YIPF5: variants seen among roughly 807,000 people sequenced by gnomAD.
YIPF5 encodes the protein protein YIPF5.
In YIPF5, 8 loss-of-function variants were observed where a neutral mutation model predicts 30.4. The observed-to-expected ratio is 0.26, with a 90% CI of 0.15 to 0.47. YIPF5 has a LOEUF of 0.47. Among genes scored for constraint, YIPF5 ranks in the 20% least tolerant of loss-of-function variants. The pLI is 0.99. For missense variants in YIPF5, 282 were observed against 301.8 expected (o/e 0.93, Z 0.49); for synonymous variants, 104 against 107.9 (o/e 0.96, Z 0.23).
At chr5:144,160,702 T>G (rs778546566) in intron 5 of YIPF5, 143 bp from the exon 6 acceptor site, 8 of 625,870 alleles carry the variant, frequency 1.3e-5, no homozygotes, top group East Asian at 3.4e-5. Flanking sequence ...ATAATCAGGA[T>G]TTTTTTTTTC....
chr5:144,166,090 G>C (rs1483989170), intron 2 of YIPF5, among the ~76,000 whole-genome samples: 3 of 152,150 alleles, frequency 2.0e-5, no homozygotes, highest in Non-Finnish European at 4.4e-5. Context: ...TTCATAGTAT[G>C]TTACTTTTGG....
chr5:144,159,984 A>G lies in YIPF5; in HGVS notation c.*413T>C. 1.0e-6 allele frequency: 1 copy of G among 984,772 alleles called. No individual in the cohort carries two copies. Among genetic ancestry groups the G allele is most frequent in the Non-Finnish European group, 1.2e-6 (1 of 829,014 alleles). 61.0% of individuals were successfully genotyped at this position (984,772 alleles called of 1,614,324 possible). ...CGGCCTCCCAAAGTGCTGGGATTAC[A>G]GGCGTGAGCTACCACGCCCGGCCGT... On this transcript the variant is annotated 3_prime_UTR_variant, in exon 6 of 6. Coordinates refer to ENST00000274496, the MANE Select transcript of YIPF5 (RefSeq NM_030799.9).
At chr5:144,168,669 T>C (rs1386866041) in intron 2 of YIPF5, among the ~76,000 whole-genome samples, 3 of 152,176 alleles carry the variant, frequency 2.0e-5, no homozygotes, top group African/African-American at 7.2e-5. Flanking sequence ...TGTTCAAATG[T>C]GTTAAGTTTT....
intron 2 of YIPF5, 55 bp from the exon 3 acceptor site, chr5:144,165,659 A>C (rs1003802038): frequency 6.5e-7 from 1 of 1,535,004 alleles, no homozygotes; most frequent in African/African-American, 1.4e-5. Flanking sequence ...TGTACAGTTA[A>C]TATCCCTTAA....
chr5:144,160,589 AG>A (rs1217802726), intron 5 of YIPF5, 30 bp from the exon 6 acceptor site: 1 of 1,572,696 alleles, frequency 6.4e-7, no homozygotes, highest in East Asian at 2.2e-5. Flanking sequence ...AGGGGGGAGA[AG>A]AAAAAAAAGC....
chr5:144,159,659 T>G lies in YIPF5; in HGVS notation c.*738A>C. ...ACTTGAGAATACAAGGCAATTTTTC[T>G]TTCCTAAATCCTTGGAAAAATATTT... is the stretch of plus-strand genomic sequence containing the variant. On this transcript the variant is annotated 3_prime_UTR_variant, in exon 6 of 6. Transcript: ENST00000274496. The G allele has an allele frequency of 2.0e-6, 2 of 985,366 alleles. No homozygotes were observed. The highest frequency in any genetic ancestry group is 2.4e-6 in the Non-Finnish European group (2 of 829,898). The allele number at this position is 985,366 out of a possible 1,614,324, so 61.0% of individuals were successfully genotyped here. A position where few individuals can be genotyped will look rare whatever the true frequency, so the allele number is the denominator to read the frequency against.
Position 144,160,417 on chromosome 5 carries a change from C to A in YIPF5, c.754G>T (p.Ala252Ser). 2.5e-6 allele frequency: 4 copies of A among 1,613,550 alleles called. No individual in the cohort carries two copies. The highest frequency in any genetic ancestry group is 3.4e-6 in the Non-Finnish European group (4 of 1,179,694). Residue 252 changes from alanine (A) to serine (S), a missense_variant, in exon 6 of 6, where the codon GCC becomes TCC. Transcript: ENST00000274496. ...AATTTTCAAAAGACGGAAATCAGGG[C>A]AAAGACTCCATATAACAAAGCGCAA... is the stretch of plus-strand genomic sequence containing the variant. Reference protein sequence around the residue: ...YPCALLYGVFALISVF With the variant: ...YPCALLYGVFSLISVF
chr5:144,165,097 G>A (rs1490291527), intron 3 of YIPF5, among the ~76,000 whole-genome samples: 2 of 152,232 alleles, frequency 1.3e-5, no homozygotes, highest in East Asian at 3.9e-4. Flanking sequence ...GATGTCACTA[G>A]TTCTGCCAGT....
At chr5:144,164,044 G>A (rs1044984354) in intron 4 of YIPF5, 67 bp downstream of exon 4, 4 of 1,582,278 alleles carry the variant, frequency 2.5e-6, no homozygotes, top group African/African-American at 1.4e-5. Context: ...AATGGCTTTT[G>A]GTAGAACATT....
Position 144,160,295 on chromosome 5 carries a change from T to C in YIPF5, c.*102A>G. ...CATTGCTCCAACAGTCAAATGTAAA[T>C]CTGCATGAGAGTTGCGCTGCAGCAG... On this transcript the variant is annotated 3_prime_UTR_variant, in exon 6 of 6. Transcript: ENST00000274496. The C allele has an allele frequency of 6.6e-7, 1 of 1,509,318 alleles. No homozygotes were observed. Among genetic ancestry groups the C allele is most frequent in the African/African-American group, 1.4e-5 (1 of 71,704 alleles). The allele number at this position is 1,509,318 out of a possible 1,614,324, so 93.5% of individuals were successfully genotyped here.
chr5:144,164,257 C>G lies in YIPF5; in HGVS notation c.284-1G>C. The G allele has an allele frequency of 2.5e-6, 4 of 1,597,520 alleles. No homozygotes were observed. Among genetic ancestry groups the G allele is most frequent in the Non-Finnish European group, 3.4e-6 (4 of 1,173,220 alleles). ...ATGTGGTCAAAATTGATACCTAACT[C>G]TAAAGAGAAAGAAAATTTAAAAGTT... On this transcript the variant is annotated splice_acceptor_variant, in intron 3 of 5. Coordinates refer to ENST00000274496, the MANE Select transcript of YIPF5 (RefSeq NM_030799.9). LOFTEE classifies it high-confidence loss of function.
Position 144,169,864 on chromosome 5 carries a change from C to T in YIPF5, c.92G>A (p.Ser31Asn). ...QSQQSYDYGG[S>N]GGPYSKQYAG... The stretch of plus-strand genomic sequence containing the variant: ...AAGTTACTTGCTATAGGGTCCTCCA[C>T]TTCCTCCATAATCATAGGACTGCTG... The change falls in exon 2 of 6, where the codon AGT (serine) becomes AAT (asparagine). Residue 31 changes from serine to asparagine, a missense_variant. By Grantham distance (46) the Ser-to-Asn change is conservative (BLOSUM62 1). Coordinates refer to ENST00000274496, the MANE Select transcript of YIPF5 (RefSeq NM_030799.9). 1 of 1,614,134 alleles carries T rather than the reference C, an allele frequency of 6.2e-7. No individual in the cohort carries two copies. The highest frequency in any genetic ancestry group is 1.3e-5 in the African/African-American group (1 of 75,070).
At chr5:144,162,025 G>T (rs1189200329) in intron 5 of YIPF5, among the ~76,000 whole-genome samples, 193 bp downstream of exon 5, 2 of 152,162 alleles carry the variant, frequency 1.3e-5, no homozygotes, top group East Asian at 3.8e-4. Flanking sequence ...GTAAAATAGA[G>T]ATGGTATAAA....
chr5:144,165,257 C>T (rs1360776500), intron 3 of YIPF5, among the ~76,000 whole-genome samples, 175 bp downstream of exon 3: 2 of 152,130 alleles, frequency 1.3e-5, no homozygotes, highest in East Asian at 3.8e-4. Flanking sequence ...AATCTGGTCC[C>T]CTCTGGCCCA....
At chr5:144,167,003 A>G (rs1039833202) in intron 2 of YIPF5, among the ~76,000 whole-genome samples, 6 of 152,184 alleles carry the variant, frequency 3.9e-5, no homozygotes, top group African/African-American at 1.4e-4. Context: ...AAATGTTAAC[A>G]TACCTAAAAA....
At position 144,159,503 on chromosome 5, in the gene YIPF5, G is replaced by T. The variant is rs1000553616; in HGVS notation, c.*894C>A. 134 of 985,096 alleles carry T rather than the reference G, an allele frequency of 1.4e-4. No individual in the cohort carries two copies. Among genetic ancestry groups the T allele is most frequent in the Non-Finnish European group, 1.5e-4 (128 of 829,864 alleles). The allele number at this position is 985,096 out of a possible 1,614,324, so 61.0% of individuals were successfully genotyped here. On this transcript the variant is annotated 3_prime_UTR_variant, in exon 6 of 6. Coordinates refer to ENST00000274496, the MANE Select transcript of YIPF5 (RefSeq NM_030799.9). ...TGTTCGCATTTCATGTCTACAATAA[G>T]GTAGATTGTGAACTTCCCGTATCTC...
At position 144,158,707 on chromosome 5, in the gene YIPF5, T is replaced by G. The variant is rs958368702; in HGVS notation, c.*1690A>C. The G allele has an allele frequency of 9.8e-7, 1 of 1,016,908 alleles. No individual in the cohort carries two copies. Among genetic ancestry groups the G allele is most frequent in the Admixed American group, 6.1e-5 (1 of 16,512 alleles). The allele number at this position is 1,016,908 out of a possible 1,614,324, so 63.0% of individuals were successfully genotyped here. On this transcript the variant is annotated 3_prime_UTR_variant, in exon 6 of 6. Transcript: ENST00000274496. ...CAAATTACCTTCCAAATTGCTTTTT[T>G]AAAGCAATTTGGTAAGTTTGAAAAC...
chr5:144,166,361 T>A (rs941614409), intron 2 of YIPF5, among the ~76,000 whole-genome samples: 3 of 152,210 alleles, frequency 2.0e-5, no homozygotes, highest in African/African-American at 7.2e-5. Context: ...GGGAAGAGGA[T>A]ACTGAAGCCA....
chr5:144,170,296 C>T (rs780054456), intron 1 of YIPF5: 4 of 218,326 alleles, frequency 1.8e-5, no homozygotes, highest in Non-Finnish European at 2.8e-5. Flanking sequence ...TAGGACTGGG[C>T]TTTACAGCTG....
Sources: allele counts gnomAD v4.1 joint callset (sites outside exome capture counted in the v4.1 genomes callset), GRCh38; gene constraint gnomAD v4.1.1; transcripts MANE v1.5; gene names NCBI Gene and HGNC (gene_info 2026-07-23, HGNC 2026-07-21).